The following NXPH1 variants were observed in gnomAD, a reference collection of about 807,000 sequenced individuals.
The protein encoded by NXPH1 is neurexophilin-1.
NXPH1 carries 5 observed loss-of-function variants against 23.7 expected under a neutral mutation model. The observed-to-expected ratio is 0.21, with a 90% confidence interval of 0.11 to 0.44. The LOEUF (loss-of-function observed/expected upper bound fraction) is 0.44, where lower values mean the gene tolerates loss of function less well. Ranked by LOEUF, NXPH1 falls within the 20% of genes least tolerant of loss-of-function variation. NXPH1 has a pLI of 0.99. For synonymous variants in NXPH1, 144 were observed against 122.2 expected (o/e 1.18, Z -1.18); for missense variants, 324 against 321.6 (o/e 1.01, Z -0.06).
chr7:8,597,467 T>A (rs924433614), intron 2 of NXPH1, among the ~76,000 whole-genome samples: 10 of 152,070 alleles, frequency 6.6e-5, no homozygotes, highest in African/African-American at 2.4e-4. Context: ...TGAGTTTGAA[T>A]AAAGGTTGTA....
Position 8,472,752 on chromosome 7 carries a change from G to C in NXPH1, c.54+36985G>C, listed in dbSNP as rs183586791. Among the ~76,000 whole-genome samples, 47 of 152,166 alleles carry C rather than the reference G, an allele frequency of 3.1e-4. 1 individual carries two copies. Among genetic ancestry groups the C allele is most frequent in the African/African-American group, 9.7e-4 (40 of 41,438 alleles). ...GTCTTATAAAGAGTTAAACTAGGCT[G>C]CTGAAGGAATTGACTCATTAGCTGC... is the stretch of plus-strand genomic sequence containing the variant. On this transcript the variant is annotated intron_variant, in intron 2 of 2. Transcript: ENST00000405863.
At chr7:8,713,538 A>G (rs1779829000) in intron 2 of NXPH1, among the ~76,000 whole-genome samples, 1 of 151,110 alleles carries the variant, frequency 6.6e-6, no homozygotes, top group Middle Eastern at 3.2e-3. Context: ...GGCATTGAAG[A>G]CTGAAATATA....
At chr7:8,473,479 C>T (rs146851246) in intron 2 of NXPH1, among the ~76,000 whole-genome samples, 16 of 152,228 alleles carry the variant, frequency 1.1e-4, no homozygotes, top group South Asian at 2.1e-4. Flanking sequence ...AACTGGCATG[C>T]GGGTGTGAGG....
chr7:8,719,016 T>C (rs756775153), intron 2 of NXPH1, among the ~76,000 whole-genome samples: 1 of 152,220 alleles, frequency 6.6e-6, no homozygotes, highest in Admixed American at 6.5e-5. Context: ...TTATCTGTTA[T>C]TGAAATATTT....
At chr7:8,549,464 G>T (rs888714161) in intron 2 of NXPH1, among the ~76,000 whole-genome samples, 4 of 151,436 alleles carry the variant, frequency 2.6e-5, no homozygotes, top group African/African-American at 7.3e-5. Context: ...TGAAGCTTCT[G>T]TCAATAATAA....
chr7:8,623,213 G>C (rs1395036011), intron 2 of NXPH1, among the ~76,000 whole-genome samples: 24 of 152,162 alleles, frequency 1.6e-4, no homozygotes, highest in Admixed American at 1.6e-3. Context: ...GTGCAGAGGA[G>C]TGGAGACAGG....
chr7:8,587,031 C>T (rs562911566), intron 2 of NXPH1, among the ~76,000 whole-genome samples: 38 of 151,968 alleles, frequency 2.5e-4, no homozygotes, highest in Admixed American at 1.6e-3. Context: ...ATGCTATACC[C>T]GCTTATAAAT....
At chr7:8,614,999 A>G (rs1819704861) in intron 2 of NXPH1, among the ~76,000 whole-genome samples, 1 of 152,092 alleles carries the variant, frequency 6.6e-6, no homozygotes, top group Non-Finnish European at 1.5e-5. Context: ...CAGCAAATAC[A>G]GCTTCCTAGC....
chr7:8,612,315 A>T (rs1167143338), intron 2 of NXPH1, among the ~76,000 whole-genome samples: 1 of 149,542 alleles, frequency 6.7e-6, no homozygotes, highest in Non-Finnish European at 1.5e-5. Context: ...TTATAGTGAT[A>T]TAATCAAGCA....
intron 2 of NXPH1, among the ~76,000 whole-genome samples, chr7:8,663,602 T>C (rs1283014222): frequency 1.1e-4 from 17 of 152,122 alleles, no homozygotes; most frequent in Admixed American, 1.0e-3. Flanking sequence ...GGTTTCTCAA[T>C]TGCCAAAATA....
intron 2 of NXPH1, among the ~76,000 whole-genome samples, chr7:8,474,592 A>C (rs1296526503): frequency 1.3e-5 from 2 of 152,180 alleles, no homozygotes; most frequent in Non-Finnish European, 2.9e-5. Flanking sequence ...ATGCTCTGCA[A>C]ACTACTTCGA....
intron 2 of NXPH1, among the ~76,000 whole-genome samples, chr7:8,581,858 G>A (rs893824984): frequency 7.9e-5 from 12 of 152,146 alleles, no homozygotes; most frequent in African/African-American, 2.4e-4. Context: ...AGTGTCATGG[G>A]CTCCTTGGGG....
chr7:8,442,106 CG>C lies in NXPH1; in HGVS notation c.54+6342del, dbSNP rs1816311130. 6.6e-6 allele frequency among the ~76,000 whole-genome samples: 1 copy of C among 152,018 alleles called. No homozygotes were observed. Among genetic ancestry groups the C allele is most frequent in the Non-Finnish European group, 1.5e-5 (1 of 68,018 alleles). Reference sequence around the variant, plus strand: ...GGAGCAGCAAGACAGTAGCTCCTCTCGGGCCACGGCTTACGAAAAGCTTTCC... The same window carrying C: ...GGAGCAGCAAGACAGTAGCTCCTCTCGGCCACGGCTTACGAAAAGCTTTCC... On this transcript the variant is annotated intron_variant, in intron 2 of 2. Coordinates refer to ENST00000405863, the MANE Select transcript of NXPH1 (RefSeq NM_152745.3). This position sits in a 1 kb window ranked among gnomAD's most constrained non-coding sequence, Gnocchi z 4.6.
chr7:8,510,803 T>C (rs564430571), intron 2 of NXPH1, among the ~76,000 whole-genome samples: 4 of 152,260 alleles, frequency 2.6e-5, no homozygotes, highest in African/African-American at 7.2e-5. Flanking sequence ...GGGATTAGTA[T>C]ATATTTAAGG....
At chr7:8,644,479 A>G (rs1820364415) in intron 2 of NXPH1, among the ~76,000 whole-genome samples, 1 of 151,954 alleles carries the variant, frequency 6.6e-6, no homozygotes, top group Non-Finnish European at 1.5e-5. Context: ...TCGTCTCTTT[A>G]TTCTCTTGTC....
At chr7:8,621,840 T>G (rs1819881184) in intron 2 of NXPH1, among the ~76,000 whole-genome samples, 1 of 152,136 alleles carries the variant, frequency 6.6e-6, no homozygotes, top group South Asian at 2.1e-4. Context: ...TAATAATAAC[T>G]TTCAGGTAGG....
chr7:8,656,655 C>T (rs1307775881), intron 2 of NXPH1, among the ~76,000 whole-genome samples: 2 of 151,832 alleles, frequency 1.3e-5, no homozygotes, highest in South Asian at 2.1e-4. Context: ...AACTCGTCAT[C>T]TAGCATTAGG....
intron 2 of NXPH1, among the ~76,000 whole-genome samples, chr7:8,537,954 G>T (rs1219563618): frequency 2.0e-5 from 3 of 151,868 alleles, no homozygotes; most frequent in African/African-American, 7.3e-5. Flanking sequence ...CGAGGGGAAT[G>T]GAGCCCTATG....
chr7:8,741,314 A>C (rs985958513), intron 2 of NXPH1, among the ~76,000 whole-genome samples: 4 of 151,612 alleles, frequency 2.6e-5, no homozygotes, highest in African/African-American at 9.7e-5. Flanking sequence ...CTTGATGGAC[A>C]CTTAGGTCTA....
Sources: allele counts gnomAD v4.1 joint callset (sites outside exome capture counted in the v4.1 genomes callset), GRCh38; gene constraint gnomAD v4.1.1; non-coding constraint Gnocchi (gnomAD v3.1); transcripts MANE v1.5; gene names NCBI Gene and HGNC (gene_info 2026-07-23, HGNC 2026-07-21).